The following LRRC40 variants were observed in gnomAD, a reference collection of about 807,000 sequenced individuals.
LRRC40 encodes leucine-rich repeat-containing protein 40.
A neutral mutation model predicts 72.8 loss-of-function variants in LRRC40; 76 were observed. The ratio of observed to expected loss-of-function variants is 1.04; its 90% CI spans 0.87 to 1.26. The LOEUF is 1.26. Among genes scored for constraint, LRRC40 ranks in the 50% most tolerant of loss-of-function variants. The pLI, the probability that LRRC40 is intolerant of heterozygous loss-of-function variation, is 0.00. For missense variants in LRRC40, 684 were observed against 698.9 expected (o/e 0.98, Z 0.24); for synonymous variants, 243 against 254.2 (o/e 0.96, Z 0.42).
At chr1:70,173,877 A>G (rs1668049099) in intron 7 of LRRC40, among the ~76,000 whole-genome samples, 168 bp from the exon 8 acceptor site, 1 of 152,206 alleles carries the variant, frequency 6.6e-6, no homozygotes, top group South Asian at 2.1e-4. Flanking sequence ...TGCTAAACAT[A>G]TAAAGGAAAA....
In LRRC40 at chr1:70,145,453, A is replaced by G. The variant is rs1667261783; in HGVS notation, c.*347T>C. On this transcript the variant is annotated 3_prime_UTR_variant, in exon 15 of 15. Transcript: ENST00000370952. Reference sequence around the variant, plus strand: ...TGCTTTGTTATTATAATACTGAACCACATTAAATAAAAATTCATTTTTGAA... The same window carrying G: ...TGCTTTGTTATTATAATACTGAACCGCATTAAATAAAAATTCATTTTTGAA... The G allele has an allele frequency of 6.3e-6, 1 of 158,426 alleles. No homozygotes were observed. Among genetic ancestry groups the G allele is most frequent in the Non-Finnish European group, 1.4e-5 (1 of 72,304 alleles). The allele number at this position is 158,426 out of a possible 1,614,324, so 9.8% of individuals were successfully genotyped here. A position where few individuals can be genotyped will look rare whatever the true frequency, so the allele number is the denominator to read the frequency against.
chr1:70,169,005 A>T (rs1365996416), intron 9 of LRRC40, among the ~76,000 whole-genome samples: 1 of 152,214 alleles, frequency 6.6e-6, no homozygotes, highest in African/African-American at 2.4e-5. Flanking sequence ...CTAAGATACT[A>T]GAAAAAAAGA....
intron 7 of LRRC40, 46 bp from the exon 8 acceptor site, chr1:70,173,755 A>T: frequency 1.1e-6 from 1 of 916,804 alleles, no homozygotes; most frequent in Non-Finnish European, 1.7e-6. Flanking sequence ...AAATATAAGT[A>T]TACTCCAACC....
chr1:70,198,796 A>G (rs951153231), intron 1 of LRRC40, among the ~76,000 whole-genome samples: 9 of 152,194 alleles, frequency 5.9e-5, no homozygotes, highest in African/African-American at 9.7e-5. Flanking sequence ...TCAAGTGACA[A>G]GGAAAATGTA....
chr1:70,197,785 G>C lies in LRRC40; in HGVS notation c.151+7605C>G, dbSNP rs147585615. 3.5e-3 allele frequency among the ~76,000 whole-genome samples: 530 copies of C among 152,026 alleles called. 2 individuals are homozygous for C. Among genetic ancestry groups the C allele is most frequent in the African/African-American group, 0.012 (511 of 41,512 alleles). On this transcript the variant is annotated intron_variant, in intron 1 of 14. Transcript: ENST00000370952. ...GCTTAAAATGGTGTTTGCACAGAAGGATAAAAGAATGTGGCTGGGTGCAGT... is the reference window on the plus strand; with the variant it reads ...GCTTAAAATGGTGTTTGCACAGAAGCATAAAAGAATGTGGCTGGGTGCAGT...
At chr1:70,172,460 A>G (rs1668019764) in intron 9 of LRRC40, among the ~76,000 whole-genome samples, 1 of 152,132 alleles carries the variant, frequency 6.6e-6, no homozygotes, top group Non-Finnish European at 1.5e-5. Flanking sequence ...AATTATATGC[A>G]TGGATTCACT....
intron 11 of LRRC40, among the ~76,000 whole-genome samples, chr1:70,153,514 CTT>C (rs528832358): frequency 6.6e-6 from 1 of 151,930 alleles, no homozygotes; most frequent in African/African-American, 2.4e-5. Context: ...CTTGATAAAA[CTT>C]TTTTTGATAT....
intron 4 of LRRC40, among the ~76,000 whole-genome samples, chr1:70,183,019 T>G (rs940461057): frequency 6.6e-6 from 1 of 152,136 alleles, no homozygotes; most frequent in African/African-American, 2.4e-5. Flanking sequence ...TATAAGAAAA[T>G]CTGATGGCTT....
intron 6 of LRRC40, among the ~76,000 whole-genome samples, chr1:70,176,466 A>C (rs1668106613): frequency 7.2e-6 from 1 of 138,826 alleles, no homozygotes; most frequent in Non-Finnish European, 1.5e-5. Context: ...CAGGAGGCGG[A>C]GGTTGCAGTG....
At chr1:70,160,964 C>T (rs1667744977) in intron 9 of LRRC40, among the ~76,000 whole-genome samples, 2 of 149,962 alleles carry the variant, frequency 1.3e-5, no homozygotes, top group African/African-American at 2.5e-5. Context: ...ACAATGGCAA[C>T]GAATAGAAGA....
rs1052031237 is a variant in LRRC40 at position 70,197,066 on chromosome 1, G to A, written c.152-7793C>T. Among the ~76,000 whole-genome samples the A allele has an allele frequency of 5.3e-5, 8 of 152,220 alleles. No homozygotes were observed. The East Asian group carries it at 1.2e-3, about 22-fold the overall frequency. ...TTCTACAATGACGTAAATGCCCTACGTTGGCACTATTCAATAGGATAGCTA... is the reference window on the plus strand; with the variant it reads ...TTCTACAATGACGTAAATGCCCTACATTGGCACTATTCAATAGGATAGCTA... On this transcript the variant is annotated intron_variant, in intron 1 of 14. Transcript: ENST00000370952.
chr1:70,177,410 T>C (rs1413101591), intron 6 of LRRC40, among the ~76,000 whole-genome samples: 1 of 152,232 alleles, frequency 6.6e-6, no homozygotes, highest in Non-Finnish European at 1.5e-5. Flanking sequence ...TGAGCCTATG[T>C]TGTGAGTATC....
chr1:70,196,486 G>A (rs1398661000), intron 1 of LRRC40, among the ~76,000 whole-genome samples: 2 of 152,080 alleles, frequency 1.3e-5, no homozygotes, highest in Non-Finnish European at 2.9e-5. Flanking sequence ...GAAGTTTGAA[G>A]TTGCAGTGAG....
At chr1:70,184,719 T>C in intron 4 of LRRC40, 66 bp downstream of exon 4, 24 of 1,439,006 alleles carry the variant, frequency 1.7e-5, no homozygotes, top group Non-Finnish European at 2.3e-5. Context: ...TCTATCTTAA[T>C]TTCTCAGCCT....
intron 9 of LRRC40, among the ~76,000 whole-genome samples, chr1:70,170,903 G>C (rs1667986435): frequency 6.6e-6 from 1 of 152,038 alleles, no homozygotes; most frequent in East Asian, 1.9e-4. Context: ...TGAGAAACAA[G>C]AGGAGCCCTC....
In LRRC40 at chr1:70,173,471, T is replaced by A. The variant is rs989793182; in HGVS notation, c.1105A>T (p.Ile369Phe). The A allele has an allele frequency of 7.5e-6, 12 of 1,603,102 alleles. No homozygotes were observed. Among genetic ancestry groups the A allele is most frequent in the Non-Finnish European group, 1.0e-5 (12 of 1,170,686 alleles). The part of the protein sequence containing the change: ...QEVLKYLRSK[I>F]KDDGPSQSES... ...AGAGAACATTTTAAAGTACCTTTGA[T>A]CTTGCTTCGTAGATATTTTAGGACT... Residue 369 changes from isoleucine (I) to phenylalanine (F), a missense_variant, in exon 9 of 15, where the codon ATC becomes TTC. Transcript: ENST00000370952.
At chr1:70,165,211 T>C (rs991310485) in intron 9 of LRRC40, among the ~76,000 whole-genome samples, 1 of 152,232 alleles carries the variant, frequency 6.6e-6, no homozygotes, top group Non-Finnish European at 1.5e-5. Context: ...ATTTGTAGGA[T>C]ATCTGGGACT....
chr1:70,157,566 C>CA (rs1236378753), intron 10 of LRRC40, among the ~76,000 whole-genome samples: 3 of 152,070 alleles, frequency 2.0e-5, no homozygotes, highest in Non-Finnish European at 1.5e-5. Context: ...AAAGCAACAG[C>CA]ATATGTACCT....
intron 9 of LRRC40, among the ~76,000 whole-genome samples, chr1:70,170,720 G>C (rs1388399874): frequency 6.6e-6 from 1 of 152,058 alleles, no homozygotes; most frequent in Non-Finnish European, 1.5e-5. Flanking sequence ...AGAGATTAAA[G>C]ATCTAAAATG....
Sources: allele counts gnomAD v4.1 joint callset (sites outside exome capture counted in the v4.1 genomes callset), GRCh38; gene constraint gnomAD v4.1.1; transcripts MANE v1.5; gene names NCBI Gene and HGNC (gene_info 2026-07-23, HGNC 2026-07-21).